KCNH5: variants seen among roughly 807,000 people sequenced by gnomAD.
KCNH5 encodes potassium voltage-gated channel subfamily H member 5.
KCNH5 carries 46 observed loss-of-function variants against 96.1 expected under a neutral mutation model. The ratio of observed to expected loss-of-function variants is 0.48; its 90% CI spans 0.38 to 0.61. The LOEUF (loss-of-function observed/expected upper bound fraction) is 0.61. Ranked by LOEUF, KCNH5 falls within the 20% of genes least tolerant of loss-of-function variation. The pLI is 0.00. For synonymous variants in KCNH5, 439 were observed against 449.8 expected (o/e 0.98, Z 0.30); for missense variants, 907 against 1,225.8 (o/e 0.74, Z 3.88).
At chr14:62,913,808 T>C (rs1475192668) in intron 7 of KCNH5, among the ~76,000 whole-genome samples, 1 of 152,220 alleles carries the variant, frequency 6.6e-6, no homozygotes, top group Non-Finnish European at 1.5e-5. Flanking sequence ...AAAGCATCTG[T>C]AGGGCAGTAA....
intron 8 of KCNH5, among the ~76,000 whole-genome samples, chr14:62,840,570 T>C (rs1290802772): frequency 1.7e-5 from 2 of 118,842 alleles, no homozygotes; most frequent in South Asian, 2.7e-4. Context: ...TTTTTTCTTT[T>C]TTTTTTTTTT....
chr14:62,899,749 G>A (rs1168926108), intron 7 of KCNH5, among the ~76,000 whole-genome samples: 1 of 150,860 alleles, frequency 6.6e-6, no homozygotes, highest in East Asian at 1.9e-4. Context: ...CAGGAGAATG[G>A]CGTGAACCCG....
chr14:62,818,198 C>T (rs927781462), intron 8 of KCNH5, among the ~76,000 whole-genome samples: 3 of 150,032 alleles, frequency 2.0e-5, no homozygotes, highest in African/African-American at 7.3e-5. Flanking sequence ...ACCTAATGTG[C>T]ACCTTGTTGA....
chr14:62,927,915 G>A (rs971418084), intron 7 of KCNH5, among the ~76,000 whole-genome samples: 2 of 151,984 alleles, frequency 1.3e-5, no homozygotes, highest in Non-Finnish European at 2.9e-5. Context: ...TAAAAATGAT[G>A]GGTTGTGAAG....
At chr14:62,978,369 T>C (rs1438321287) in intron 6 of KCNH5, among the ~76,000 whole-genome samples, 1 of 152,190 alleles carries the variant, frequency 6.6e-6, no homozygotes, top group Non-Finnish European at 1.5e-5. Context: ...GCGGTGTGCC[T>C]ACTTAGCTAC....
At chr14:62,931,844 C>G (rs1275579986) in intron 7 of KCNH5, among the ~76,000 whole-genome samples, 29 of 152,094 alleles carry the variant, frequency 1.9e-4, no homozygotes, top group Admixed American at 1.9e-3. Flanking sequence ...TAGAGAGGAT[C>G]CCTGCAATGA....
intron 1 of KCNH5, among the ~76,000 whole-genome samples, chr14:63,040,333 A>T (rs1891799373): frequency 1.3e-5 from 2 of 152,166 alleles, no homozygotes; most frequent in East Asian, 3.8e-4. Flanking sequence ...ACAGTATCTT[A>T]GAATAAGCAT....
chr14:62,727,742 A>T (rs1884961431), intron 10 of KCNH5, among the ~76,000 whole-genome samples: 1 of 150,366 alleles, frequency 6.7e-6, no homozygotes, highest in South Asian at 2.2e-4. Flanking sequence ...GAATACCAAG[A>T]TGAATAAAAT....
intron 10 of KCNH5, among the ~76,000 whole-genome samples, chr14:62,776,581 A>T (rs1376403633): frequency 6.6e-6 from 1 of 152,186 alleles, no homozygotes; most frequent in African/African-American, 2.4e-5. Context: ...CTTTCATACT[A>T]CAGTGGAAAA....
chr14:62,723,987 G>T (rs1210083169), intron 10 of KCNH5, among the ~76,000 whole-genome samples: 1 of 152,124 alleles, frequency 6.6e-6, no homozygotes, highest in Non-Finnish European at 1.5e-5. Flanking sequence ...AATCAGACAT[G>T]CAAGTGGCTT....
At chr14:62,826,407 C>CGT (rs1566673515) in intron 8 of KCNH5, among the ~76,000 whole-genome samples, 49 of 53,772 alleles carry the variant, frequency 9.1e-4, no homozygotes, top group Admixed American at 1.9e-3. Context: ...TGCGTGCGTG[C>CGT]ATGTGTGTGT....
At chr14:62,862,033 ATG>A (rs1379317781) in intron 7 of KCNH5, among the ~76,000 whole-genome samples, 6 of 152,318 alleles carry the variant, frequency 3.9e-5, no homozygotes, top group African/African-American at 1.4e-4. Context: ...ACACATTTAA[ATG>A]ACCCAGGAAT....
chr14:62,969,757 A>ATT (rs779644836), intron 6 of KCNH5, among the ~76,000 whole-genome samples: 1,473 of 113,840 alleles, frequency 0.013, 15 homozygotes, highest in African/African-American at 0.037. Context: ...AATAAAATTA[A>ATT]TTTTTTTTTT....
chr14:62,891,281 T>A (rs1474172100), intron 7 of KCNH5, among the ~76,000 whole-genome samples: 1 of 152,222 alleles, frequency 6.6e-6, no homozygotes, highest in Non-Finnish European at 1.5e-5. Context: ...TAGAGGCTAT[T>A]ATCCTCAGCA....
intron 5 of KCNH5, among the ~76,000 whole-genome samples, chr14:62,983,476 GTTT>G (rs1283979423): frequency 6.6e-6 from 1 of 151,782 alleles, no homozygotes; most frequent in Non-Finnish European, 1.5e-5. Flanking sequence ...CACACATTCA[GTTT>G]TTGTTTTTAC....
At chr14:62,821,983 T>C (rs1887124199) in intron 8 of KCNH5, among the ~76,000 whole-genome samples, 1 of 152,110 alleles carries the variant, frequency 6.6e-6, no homozygotes, top group African/African-American at 2.4e-5. Flanking sequence ...AGCATAATAA[T>C]GAACATGTGG....
At chr14:62,796,840 T>G (rs1439788439) in intron 9 of KCNH5, among the ~76,000 whole-genome samples, 2 of 152,102 alleles carry the variant, frequency 1.3e-5, no homozygotes, top group African/African-American at 4.8e-5. Context: ...GTGGGACAAC[T>G]TGAAGCAAAG....
chr14:62,846,623 T>C (rs1887696211), intron 8 of KCNH5, among the ~76,000 whole-genome samples: 1 of 151,686 alleles, frequency 6.6e-6, no homozygotes, highest in South Asian at 2.1e-4. Flanking sequence ...TATTAAGTAG[T>C]ATGTCAATTC....
At chr14:62,941,024 GAC>G (rs1198919010) in intron 7 of KCNH5, among the ~76,000 whole-genome samples, 1 of 152,188 alleles carries the variant, frequency 6.6e-6, no homozygotes, top group Non-Finnish European at 1.5e-5. Flanking sequence ...GTAAGGGAGA[GAC>G]AGATGGATCA....
Sources: allele counts gnomAD v4.1 joint callset (sites outside exome capture counted in the v4.1 genomes callset), GRCh38; gene constraint gnomAD v4.1.1; transcripts MANE v1.5; gene names NCBI Gene and HGNC (gene_info 2026-07-23, HGNC 2026-07-21).